The following FAF1 variants were observed in gnomAD, a reference collection of about 807,000 sequenced individuals.
FAF1 encodes Fas associated factor 1, also known as FAS-associated factor 1.
FAF1 carries 25 observed loss-of-function variants against 92.5 expected under a neutral mutation model. The observed-to-expected ratio is 0.27, with a 90% CI of 0.20 to 0.38. The LOEUF (loss-of-function observed/expected upper bound fraction) is 0.38, where lower values mean the gene tolerates loss of function less well. Ranked by LOEUF, FAF1 falls within the 10% of genes least tolerant of loss-of-function variation. The probability of loss-of-function intolerance (pLI) is 1.00; values close to 1 mark genes in which losing one functional copy is unlikely to be tolerated. For missense variants in FAF1, 636 were observed against 793.3 expected (o/e 0.80, Z 2.38); for synonymous variants, 234 against 273.2 (o/e 0.86, Z 1.42).
intron 9 of FAF1, among the ~76,000 whole-genome samples, chr1:50,591,776 T>G (rs537208809): frequency 6.0e-4 from 91 of 152,202 alleles, no homozygotes; most frequent in African/African-American, 2.0e-3. Flanking sequence ...CTTATCTTCC[T>G]TTTCCCCCGA....
intron 1 of FAF1, among the ~76,000 whole-genome samples, chr1:50,926,442 G>A (rs1645006517): frequency 6.6e-6 from 1 of 152,154 alleles, no homozygotes; most frequent in South Asian, 2.1e-4. Context: ...GTGAGAGGGA[G>A]AATGGGGAGA....
intron 18 of FAF1, among the ~76,000 whole-genome samples, chr1:50,449,357 T>C (rs866462191): frequency 6.6e-6 from 1 of 152,110 alleles, no homozygotes; most frequent in Non-Finnish European, 1.5e-5. Context: ...AATCCTAAGC[T>C]CTTTGTACTC....
At chr1:50,517,212 C>T (rs1647250013) in intron 15 of FAF1, among the ~76,000 whole-genome samples, 1 of 151,970 alleles carries the variant, frequency 6.6e-6, no homozygotes, top group African/African-American at 2.4e-5. Flanking sequence ...ATCTTTTTCC[C>T]CAGCCCCTGC....
chr1:50,834,750 C>G (rs1644185196), intron 2 of FAF1, among the ~76,000 whole-genome samples: 1 of 152,156 alleles, frequency 6.6e-6, no homozygotes, highest in South Asian at 2.1e-4. Context: ...TCACTAATCT[C>G]CATTCAGTAA....
chr1:50,484,448 T>C (rs1161703729), intron 17 of FAF1, among the ~76,000 whole-genome samples: 2 of 152,050 alleles, frequency 1.3e-5, no homozygotes, highest in East Asian at 3.9e-4. Flanking sequence ...TGGATATACA[T>C]ATATATATAG....
chr1:50,630,292 A>G (rs1653712376), intron 8 of FAF1, among the ~76,000 whole-genome samples: 1 of 152,214 alleles, frequency 6.6e-6, no homozygotes, highest in Non-Finnish European at 1.5e-5. Flanking sequence ...AAATTCAAAA[A>G]GCGATTTTAG....
intron 15 of FAF1, among the ~76,000 whole-genome samples, chr1:50,495,256 C>T (rs189845450): frequency 6.6e-6 from 1 of 152,196 alleles, no homozygotes; most frequent in Non-Finnish European, 1.5e-5. Flanking sequence ...TTCCCCCACA[C>T]CCCACTGCCC....
chr1:50,502,617 T>C (rs1256013142), intron 15 of FAF1, among the ~76,000 whole-genome samples: 1 of 152,194 alleles, frequency 6.6e-6, no homozygotes, highest in Non-Finnish European at 1.5e-5. Context: ...CAGTGGCTGC[T>C]GGAGGCTGGA....
intron 8 of FAF1, among the ~76,000 whole-genome samples, chr1:50,602,797 C>T (rs1443839989): frequency 6.6e-6 from 1 of 152,132 alleles, no homozygotes; most frequent in East Asian, 1.9e-4. Flanking sequence ...CCACCTCACC[C>T]AGCCTAAAGT....
intron 13 of FAF1, among the ~76,000 whole-genome samples, chr1:50,546,740 T>C (rs553596344): frequency 2.6e-4 from 39 of 152,334 alleles, no homozygotes; most frequent in African/African-American, 9.4e-4. Context: ...CACATAGATA[T>C]GGGTTTAAGA....
chr1:50,885,312 T>TCACACACACACACACACACA (rs376434464), intron 1 of FAF1, among the ~76,000 whole-genome samples: 6 of 137,344 alleles, frequency 4.4e-5, no homozygotes, highest in Non-Finnish European at 7.9e-5. Flanking sequence ...TCTCTCTCTC[T>TCACACACACACACACACACA]CACACACACA....
At chr1:50,549,997 C>A (rs758378240) in intron 13 of FAF1, among the ~76,000 whole-genome samples, 1 of 152,042 alleles carries the variant, frequency 6.6e-6, no homozygotes, top group African/African-American at 2.4e-5. Context: ...GGAACTTTGA[C>A]ATTTACACAT....
chr1:50,918,445 TGG>T (rs1644937700), intron 1 of FAF1, among the ~76,000 whole-genome samples: 1 of 73,186 alleles, frequency 1.4e-5, no homozygotes. Context: ...ATGCGGTGTT[TGG>T]TTTTTTGTTC....
intron 16 of FAF1, 75 bp from the exon 17 acceptor site, chr1:50,490,740 G>T: frequency 1.1e-6 from 1 of 941,736 alleles, no homozygotes; most frequent in Non-Finnish European, 1.7e-6. Flanking sequence ...TAAGGAAAGA[G>T]AAAAAAGAAA....
chr1:50,545,934 G>C (rs554978893), intron 13 of FAF1, among the ~76,000 whole-genome samples: 7 of 152,320 alleles, frequency 4.6e-5, no homozygotes, highest in East Asian at 3.9e-4. Context: ...AGGCCAAGGT[G>C]GGGGGAGGAA....
chr1:50,534,789 T>C (rs1003897755), intron 15 of FAF1, among the ~76,000 whole-genome samples: 20 of 152,194 alleles, frequency 1.3e-4, no homozygotes, highest in African/African-American at 2.9e-4. Flanking sequence ...TTGAACACTA[T>C]TGTCATCGAT....
At chr1:50,553,215 G>T (rs1649396373) in intron 13 of FAF1, among the ~76,000 whole-genome samples, 1 of 152,132 alleles carries the variant, frequency 6.6e-6, no homozygotes, top group Admixed American at 6.6e-5. Flanking sequence ...AAATAAATAG[G>T]AGTGGTAGGA....
At chr1:50,609,683 T>G (rs1652602493) in intron 8 of FAF1, among the ~76,000 whole-genome samples, 1 of 152,026 alleles carries the variant, frequency 6.6e-6, no homozygotes, top group African/African-American at 2.4e-5. Context: ...CGCCTGAAGA[T>G]TCCCAGCTTT....
At chr1:50,614,673 C>T (rs1023060250) in intron 8 of FAF1, among the ~76,000 whole-genome samples, 2 of 151,894 alleles carry the variant, frequency 1.3e-5, no homozygotes, top group Non-Finnish European at 2.9e-5. Flanking sequence ...AACCCCATCT[C>T]TACTAAAAAT....
Sources: allele counts gnomAD v4.1 joint callset (sites outside exome capture counted in the v4.1 genomes callset), GRCh38; gene constraint gnomAD v4.1.1; transcripts MANE v1.5; gene names NCBI Gene and HGNC (gene_info 2026-07-23, HGNC 2026-07-21).